ATP8A2: variants seen among roughly 807,000 people sequenced by gnomAD.
ATP8A2 encodes the protein phospholipid-transporting ATPase IB.
ATP8A2 carries 100 observed loss-of-function variants against 165.6 expected under a neutral mutation model. The observed-to-expected ratio is 0.60, with a 90% CI of 0.51 to 0.71. The LOEUF (loss-of-function observed/expected upper bound fraction) is 0.71, where lower values mean the gene tolerates loss of function less well. Ranked by LOEUF, ATP8A2 falls within the 30% of genes least tolerant of loss-of-function variation. ATP8A2 has a pLI of 0.00. For missense variants in ATP8A2, 1,227 were observed against 1,479.5 expected (o/e 0.83, Z 2.80); for synonymous variants, 543 against 548.8 (o/e 0.99, Z 0.15).
At chr13:25,737,722 G>T (rs9511906) in intron 25 of ATP8A2, among the ~76,000 whole-genome samples, 52,759 of 151,718 alleles carry the variant, frequency 0.35, 10,017 homozygotes, top group East Asian at 0.44. Flanking sequence ...TCACTCTGTC[G>T]CCCAGGCTGG....
intron 33 of ATP8A2, among the ~76,000 whole-genome samples, chr13:25,922,172 C>G (rs1424633774): frequency 6.6e-6 from 1 of 152,124 alleles, no homozygotes; most frequent in African/African-American, 2.4e-5. Flanking sequence ...GCAGGTGGGT[C>G]CATCATCCTA....
intron 24 of ATP8A2, among the ~76,000 whole-genome samples, chr13:25,617,775 G>C (rs984141138): frequency 2.1e-4 from 32 of 152,018 alleles, no homozygotes; most frequent in African/African-American, 7.7e-4. Context: ...AAAAATTCAC[G>C]CAGTTCTGGG....
At chr13:25,656,207 C>T (rs1035538039) in intron 24 of ATP8A2, among the ~76,000 whole-genome samples, 57 of 152,172 alleles carry the variant, frequency 3.7e-4, no homozygotes, top group African/African-American at 1.3e-3. Flanking sequence ...CAGTAGCTGA[C>T]AGTGCTCAAG....
intron 10 of ATP8A2, among the ~76,000 whole-genome samples, chr13:25,545,740 T>A (rs570737424): frequency 2.6e-5 from 4 of 152,272 alleles, no homozygotes; most frequent in Non-Finnish European, 5.9e-5. Context: ...GCTCAAGCCA[T>A]CCTCCCACCT....
At chr13:25,556,840 C>CTGT (rs1273825554) in intron 13 of ATP8A2, among the ~76,000 whole-genome samples, 1 of 152,154 alleles carries the variant, frequency 6.6e-6, no homozygotes, top group African/African-American at 2.4e-5. Context: ...CGAGATCTGG[C>CTGT]TGTTCCAAGC....
chr13:25,571,696 A>C lies in ATP8A2; in HGVS notation c.1662+4A>C, dbSNP rs755465949. The C allele has an allele frequency of 1.2e-6, 2 of 1,612,986 alleles. No homozygotes were observed. Among genetic ancestry groups the C allele is most frequent in the Non-Finnish European group, 1.7e-6 (2 of 1,178,920 alleles). ...ATTCTCAGTCATCATAGAAGCGGTG[A>C]GTAACATGCGTGTGCACATTTCAGA... On this transcript the variant is annotated splice_donor_region_variant and intron_variant, in intron 18 of 36. Coordinates refer to ENST00000381655, the MANE Select transcript of ATP8A2 (RefSeq NM_016529.6).
At chr13:25,597,812 A>G (rs1341189687) in intron 24 of ATP8A2, among the ~76,000 whole-genome samples, 2 of 152,176 alleles carry the variant, frequency 1.3e-5, no homozygotes, top group African/African-American at 2.4e-5. Context: ...TTTCATAACT[A>G]TAGAAAAGCA....
chr13:25,753,293 G>A (rs1162080840), intron 25 of ATP8A2, among the ~76,000 whole-genome samples: 28 of 152,148 alleles, frequency 1.8e-4, no homozygotes, highest in Admixed American at 1.5e-3. Flanking sequence ...CCTTTGGCTC[G>A]ACCCACAATC....
At chr13:25,512,967 C>A (rs1458740413) in intron 2 of ATP8A2, among the ~76,000 whole-genome samples, 1 of 138,886 alleles carries the variant, frequency 7.2e-6, no homozygotes, top group African/African-American at 2.6e-5. Context: ...GGGCTGACCC[C>A]CCCACCTCCC....
At chr13:25,475,509 C>T (rs967259552) in intron 2 of ATP8A2, among the ~76,000 whole-genome samples, 2 of 152,112 alleles carry the variant, frequency 1.3e-5, no homozygotes, top group African/African-American at 2.4e-5. Flanking sequence ...GGTAGTAGGA[C>T]TTATGTTCCT....
At chr13:25,412,905 C>T (rs1318950786) in intron 1 of ATP8A2, among the ~76,000 whole-genome samples, 2 of 152,204 alleles carry the variant, frequency 1.3e-5, no homozygotes, top group Non-Finnish European at 2.9e-5. Context: ...ACTGCAACCT[C>T]TGCCTTCCAG....
chr13:25,723,996 G>C (rs1025255870), intron 25 of ATP8A2, among the ~76,000 whole-genome samples: 1 of 152,152 alleles, frequency 6.6e-6, no homozygotes, highest in African/African-American at 2.4e-5. Context: ...GTAACCTCTA[G>C]GTGCTGGGAG....
intron 24 of ATP8A2, among the ~76,000 whole-genome samples, chr13:25,657,364 C>G (rs983218745): frequency 2.6e-5 from 4 of 152,086 alleles, no homozygotes; most frequent in Non-Finnish European, 5.9e-5. Context: ...ACTCTGTGCC[C>G]CGGGGTCCCT....
intron 1 of ATP8A2, among the ~76,000 whole-genome samples, chr13:25,449,495 G>A (rs532886789): frequency 2.6e-5 from 4 of 152,290 alleles, no homozygotes; most frequent in East Asian, 3.9e-4. Flanking sequence ...ATAGATTGTG[G>A]TGTATCTTGT....
At chr13:25,756,273 C>A (rs1173649825) in intron 25 of ATP8A2, among the ~76,000 whole-genome samples, 1 of 151,838 alleles carries the variant, frequency 6.6e-6, no homozygotes, top group Non-Finnish European at 1.5e-5. Flanking sequence ...ATGGCGGTGT[C>A]CCCATATTAT....
intron 24 of ATP8A2, among the ~76,000 whole-genome samples, chr13:25,650,133 G>A (rs11839774): frequency 0.034 from 5,241 of 152,308 alleles, 156 homozygotes; most frequent in East Asian, 0.13. Flanking sequence ...GGGCCAACTT[G>A]AGGGATGGGG....
At chr13:25,666,221 AT>A (rs1050000927) in intron 24 of ATP8A2, among the ~76,000 whole-genome samples, 3 of 149,596 alleles carry the variant, frequency 2.0e-5, no homozygotes, top group African/African-American at 7.6e-5. Flanking sequence ...TTTATTTTTT[AT>A]TTTTTTGAGA....
In ATP8A2 at chr13:25,538,058, C is replaced by T; in HGVS notation, c.578C>T (p.Ser193Phe). The T allele has an allele frequency of 1.9e-6, 3 of 1,613,322 alleles. No individual in the cohort carries two copies. Among genetic ancestry groups the T allele is most frequent in the Non-Finnish European group, 2.5e-6 (3 of 1,179,390 alleles). ...YLPADVVLLS[S>F]SEPQAMCYVE... is the part of the protein sequence containing the mutation. ...CCAGCAGATGTGGTCCTGCTGTCAT[C>T]CAGGTTAGCTGTGCTAGTAGGCACC... is the stretch of plus-strand genomic sequence containing the variant. The change falls in exon 7 of 37, where the codon TCC (serine) becomes TTC (phenylalanine). Residue 193 changes from serine to phenylalanine, a missense_variant. This residue lies in a region of ATP8A2 where 356 missense variants were observed against 394.9 expected (regional missense o/e 0.90). Coordinates refer to ENST00000381655, the MANE Select transcript of ATP8A2 (RefSeq NM_016529.6).
chr13:25,516,883 C>T (rs1593443733), intron 2 of ATP8A2, among the ~76,000 whole-genome samples: 3 of 150,966 alleles, frequency 2.0e-5, no homozygotes, highest in East Asian at 1.9e-4. Flanking sequence ...TGGGTTCAAG[C>T]GATTCTCCTG....
Sources: gnomAD v4.1 joint callset for allele counts (sites outside exome capture counted in the v4.1 genomes callset) on GRCh38, gnomAD v4.1.1 for gene constraint, gnomAD v4.1.1 regional missense constraint, MANE v1.5 for transcripts, NCBI Gene and HGNC (gene_info 2026-07-23, HGNC 2026-07-21) for gene names.